KLHL17: variants seen among roughly 807,000 people sequenced by gnomAD.
The protein encoded by KLHL17 is kelch-like protein 17.
Under a neutral mutation model 64.6 loss-of-function variants are expected in KLHL17, and 71 were observed. The observed-to-expected ratio is 1.10, with a 90% CI of 0.91 to 1.34. The LOEUF (loss-of-function observed/expected upper bound fraction) is 1.34. KLHL17 is among the 40% of genes most tolerant of loss of function. KLHL17 has a pLI of 0.00. For synonymous variants in KLHL17, 612 were observed against 405.4 expected, an observed-to-expected ratio of 1.51 and a Z score of -6.12; for missense variants, 1,140 against 935.0, an observed-to-expected ratio of 1.22 and a Z score of -2.86.
At chr1:962,232 T>C in intron 4 of KLHL17, 123 bp from the exon 5 acceptor site, 1 of 1,504,202 alleles carries the variant, frequency 6.6e-7, no homozygotes, top group South Asian at 1.2e-5. Context: ...CTGACTCTGC[T>C]CGGCCCCTCC....
Position 962,017 on chromosome 1 carries a change from C to T in KLHL17, c.681C>T (p.Thr227=), listed in dbSNP as rs745830549. The T allele has an allele frequency of 1.3e-5, 21 of 1,612,746 alleles. No homozygotes were observed. The highest frequency in any genetic ancestry group is 6.7e-5 in the African/African-American group (5 of 74,942). ...AGCACTTCGTGGACGTGGCCAAGAC[C>T]GAGGAGTTTATGCTGCTGCCCCTGA... ...VLQHFVDVAK[T]EEFMLLPLKQ... Residue 227 remains threonine, a synonymous_variant, in exon 4 of 12, where the codon ACC becomes ACT. Transcript: ENST00000338591.
chr1:965,430 G>A lies in KLHL17; in HGVS notation c.*239G>A. On this transcript the variant is annotated 3_prime_UTR_variant, in exon 12 of 12. Coordinates refer to ENST00000338591, the MANE Select transcript of KLHL17 (RefSeq NM_198317.3). ...TGTCCTCCCCTCCACTGCCTGCATGGGGGGCGCGGGGAGTGACCAGGCGGG... is the reference window on the plus strand; with the variant it reads ...TGTCCTCCCCTCCACTGCCTGCATGAGGGGCGCGGGGAGTGACCAGGCGGG... The A allele has an allele frequency of 5.3e-6, 3 of 570,766 alleles. No homozygotes were observed. The highest frequency in any genetic ancestry group is 6.5e-5 in the Admixed American group (2 of 30,718). The allele number at this position is 570,766 out of a possible 1,614,324, so 35.4% of individuals were successfully genotyped here.
At chr1:962,519 A>G (rs377171358) in intron 5 of KLHL17, 48 bp downstream of exon 5, 1 of 1,600,576 alleles carries the variant, frequency 6.2e-7, no homozygotes, top group Non-Finnish European at 8.5e-7. Flanking sequence ...GAGGGCATGC[A>G]GGTGGCTGAG....
chr1:962,838 T>G lies in KLHL17; in HGVS notation c.963T>G (p.Pro321=). 1 of 1,602,918 alleles carries G rather than the reference T, an allele frequency of 6.2e-7. No individual in the cohort carries two copies. The highest frequency in any genetic ancestry group is 8.5e-7 in the Non-Finnish European group (1 of 1,177,176). Residue 321 remains proline, a synonymous_variant, in exon 6 of 12, where the codon CCT becomes CCG. Transcript: ENST00000338591. ...AGGCCCTGAAGTTCCACCTGCTGCC[T>G]GAGCAGAGGGGCGTCCTAGGCACCA... ...LIEALKFHLL[P]EQRGVLGTSR... is the part of the protein sequence containing the mutation.
In KLHL17 at chr1:963,181, T is replaced by C; in HGVS notation, c.1115T>C (p.Val372Ala). ...ACGCGCACCGACCGCTGGCACGTGG[T>C]GGCCTCCATGTCCACGCGCCGGGCC... ...YDTRTDRWHV[V>A]ASMSTRRARV... Residue 372 changes from valine to alanine, a missense_variant, in exon 7 of 12, where the codon GTG (valine) becomes GCG (alanine). Physicochemically the swap from Val to Ala is moderately conservative, Grantham distance 64. Transcript: ENST00000338591. The C allele has an allele frequency of 6.2e-7, 1 of 1,609,704 alleles. No homozygotes were observed. The highest frequency in any genetic ancestry group is 8.5e-7 in the Non-Finnish European group (1 of 1,177,810).
In KLHL17 at chr1:960,723, C is replaced by G; in HGVS notation, c.30C>G (p.Gly10=). MQPRSERPA[G]RTQSPEHGSP... ...AGCCCCGCAGCGAGCGCCCGGCCGG[C>G]AGGACGCAGAGCCCGGAGCACGGCA... The change falls in exon 1 of 12, where the codon GGC becomes GGG. Residue 10 remains glycine (G), a synonymous_variant. Coordinates refer to ENST00000338591, the MANE Select transcript of KLHL17 (RefSeq NM_198317.3). The G allele has an allele frequency of 7.4e-7, 1 of 1,343,134 alleles. No homozygotes were observed. The highest frequency in any genetic ancestry group is 1.5e-5 in the South Asian group (1 of 64,720). The allele number at this position is 1,343,134 out of a possible 1,614,324, so 83.2% of individuals were successfully genotyped here. A position where few individuals can be genotyped will look rare whatever the true frequency, so the allele number is the denominator to read the frequency against.
rs550203526 is a variant in KLHL17, at chr1:962,290, C to T, written c.712-65C>T. On this transcript the variant is annotated intron_variant, in intron 4 of 11. Coordinates refer to ENST00000338591, the MANE Select transcript of KLHL17 (RefSeq NM_198317.3). ...CCTGCTAACCCTCCCTCCTAGGCAT[C>T]TTCAGGGCTCCCTGGGTCCACAGGA... 6.2e-4 allele frequency: 990 copies of T among 1,608,352 alleles called. 1 individual carries two copies. Among genetic ancestry groups the T allele is most frequent in the Non-Finnish European group, 7.8e-4 (919 of 1,177,770 alleles).
Position 961,509 on chromosome 1 carries a change from G to A in KLHL17, c.324G>A (p.Val108=), listed in dbSNP as rs1404701081. 1.9e-6 allele frequency: 3 copies of A among 1,612,426 alleles called. No individual in the cohort carries two copies. The highest frequency in any genetic ancestry group is 2.5e-6 in the Non-Finnish European group (3 of 1,179,952). ...CCAAGGAGATCCGTGCGCACAAAGTGGTGCTGGCCTCCTGCAGCCCCTACT... is the reference window on the plus strand; with the variant it reads ...CCAAGGAGATCCGTGCGCACAAAGTAGTGCTGGCCTCCTGCAGCCCCTACT... ...VAAKEIRAHK[V]VLASCSPYFH... Residue 108 remains valine (V), a synonymous_variant, in exon 2 of 12, where the codon GTG becomes GTA. Coordinates refer to ENST00000338591, the MANE Select transcript of KLHL17 (RefSeq NM_198317.3).
At chr1:964,620 G>A (rs1642833567) in intron 11 of KLHL17, 90 bp downstream of exon 11, 1 of 670,780 alleles carries the variant, frequency 1.5e-6, no homozygotes, top group Non-Finnish European at 2.0e-6. Flanking sequence ...TGTGCTGCGG[G>A]GAGGGGGGCG....
chr1:963,534 G>C lies in KLHL17; in HGVS notation c.1355+30G>C, dbSNP rs114880602. 301 of 1,578,398 alleles carry C rather than the reference G, an allele frequency of 1.9e-4. 1 individual carries two copies. The African/African-American group carries it at 3.8e-3, about 20-fold the overall frequency. ...TTGGGGTTGGGGCCCCAGTGGCTTT[G>C]TACAGTCCATCTGCAAGAGGCAAGT... On this transcript the variant is annotated intron_variant, in intron 8 of 11. Coordinates refer to ENST00000338591, the MANE Select transcript of KLHL17 (RefSeq NM_198317.3).
chr1:962,288 A>G (rs760955498), intron 4 of KLHL17, 67 bp from the exon 5 acceptor site: 4 of 1,607,450 alleles, frequency 2.5e-6, no homozygotes, highest in South Asian at 2.2e-5. Context: ...CCTCCTAGGC[A>G]TCTTCAGGGC....
At position 964,619 on chromosome 1, in the gene KLHL17, G is replaced by GGAA. The variant is rs1327816202; in HGVS notation, c.1700+90_1700+91insAAG. ...GCGTCCGCAGTGGGGATGTGCTGCG[G>GGAA]GGAGGGGGGCGCGGGTCCGCAGTGG... On this transcript the variant is annotated intron_variant, in intron 11 of 11. Coordinates refer to ENST00000338591, the MANE Select transcript of KLHL17 (RefSeq NM_198317.3). 1.4e-5 allele frequency: 14 copies of GGAA among 992,860 alleles called. 2 individuals are homozygous for GGAA. The African/African-American group carries it at 4.2e-4, about 30-fold the overall frequency. 61.5% of individuals were successfully genotyped at this position (992,860 alleles called of 1,614,324 possible). A position where few individuals can be genotyped will look rare whatever the true frequency, so the allele number is the denominator to read the frequency against.
chr1:961,789 C>T (rs769031275), intron 3 of KLHL17, 37 bp from the exon 4 acceptor site: 3 of 1,611,402 alleles, frequency 1.9e-6, no homozygotes, highest in Non-Finnish European at 2.5e-6. Flanking sequence ...GTCCCCCGAC[C>T]CTGTGCCTCC....
At position 963,317 on chromosome 1, in the gene KLHL17, C is replaced by T. The variant is rs369562577; in HGVS notation, c.1188-20C>T. The T allele has an allele frequency of 1.1e-5, 18 of 1,602,544 alleles. No individual in the cohort carries two copies. The East Asian group carries it at 2.5e-4, about 22-fold the overall frequency. On this transcript the variant is annotated intron_variant, in intron 7 of 11. Coordinates refer to ENST00000338591, the MANE Select transcript of KLHL17 (RefSeq NM_198317.3). ...TGCCCGCCAGGCCAGTCTTGACCTG[C>T]AGTGGCTTAATTCCGCTAGCTATGA... is the stretch of plus-strand genomic sequence containing the variant.
chr1:962,876 C>G lies in KLHL17; in HGVS notation c.1001C>G (p.Pro334Arg). 1 of 1,578,954 alleles carries G rather than the reference C, an allele frequency of 6.3e-7. No homozygotes were observed. The highest frequency in any genetic ancestry group is 1.3e-5 in the African/African-American group (1 of 74,250). ...GTCCTAGGCACCAGCCGCACACGTC[C>G]CCGGCGCTGCGAGGGGGCCGGGCCT... ...RGVLGTSRTR[P>R]RRCEGAGPVL... The change falls in exon 6 of 12, where the codon CCC becomes CGC. Residue 334 changes from proline to arginine, a missense_variant. Transcript: ENST00000338591.
rs1450432568 is a variant in KLHL17, at chr1:963,149, C to T, written c.1083C>T (p.Ala361=). 10 of 1,611,980 alleles carry T rather than the reference C, an allele frequency of 6.2e-6. No individual in the cohort carries two copies. Among genetic ancestry groups the T allele is most frequent in the Admixed American group, 3.3e-5 (2 of 59,982 alleles). ...TTGCCATCCACGGAGACTGTGAGGC[C>T]TACGACACGCGCACCGACCGCTGGC... ...SLFAIHGDCE[A]YDTRTDRWHV... The change falls in exon 7 of 12, where the codon GCC becomes GCT. Residue 361 remains alanine (A), a synonymous_variant. Coordinates refer to ENST00000338591, the MANE Select transcript of KLHL17 (RefSeq NM_198317.3).
In KLHL17 at chr1:963,962, C is replaced by T. The variant is rs769279486; in HGVS notation, c.1398C>T (p.Val466=). 14 of 1,612,556 alleles carry T rather than the reference C, an allele frequency of 8.7e-6. No individual in the cohort carries two copies. Among genetic ancestry groups the T allele is most frequent in the Middle Eastern group, 1.7e-4 (1 of 5,998 alleles). ...YDPLTGTWTS[V]AAMSTRRRYV... is the part of the protein sequence containing the mutation. Reference sequence around the variant, plus strand: ...CCCTGACCGGAACGTGGACGTCCGTCGCTGCCATGAGCACCCGGAGGCGCT... The same window carrying T: ...CCCTGACCGGAACGTGGACGTCCGTTGCTGCCATGAGCACCCGGAGGCGCT... Residue 466 remains valine (V), a synonymous_variant, in exon 9 of 12, where the codon GTC becomes GTT. Transcript: ENST00000338591.
In KLHL17 at chr1:961,947, A is replaced by C; in HGVS notation, c.611A>C (p.His204Pro). The change falls in exon 4 of 12, where the codon CAC becomes CCC. Residue 204 changes from histidine to proline, a missense_variant. Physicochemically the swap from His to Pro is moderately conservative, Grantham distance 77. Transcript: ENST00000338591. ...GGTATCCGGGGCTTTGCCGATGCGC[A>C]CTCCTGCAGCGACCTGCTCAAGGCC... ...CLGIRGFADA[H>P]SCSDLLKAAH... is the part of the protein sequence containing the mutation. The C allele has an allele frequency of 3.1e-6, 5 of 1,612,256 alleles. No individual in the cohort carries two copies. The highest frequency in any genetic ancestry group is 4.2e-6 in the Non-Finnish European group (5 of 1,179,844).
In KLHL17 at chr1:961,419, C is replaced by T. The variant is rs762448686; in HGVS notation, c.234C>T (p.Ala78=). Residue 78 remains alanine, a synonymous_variant, in exon 2 of 12, where the codon GCC becomes GCT. Transcript: ENST00000338591. ...ACTCCAAGCGGCACTACCACGATGCCTTCGTGGCCATGAGCCGCATGCGCC... is the reference window on the plus strand; with the variant it reads ...ACTCCAAGCGGCACTACCACGATGCTTTCGTGGCCATGAGCCGCATGCGCC... ...AHNSKRHYHD[A]FVAMSRMRQR... is the part of the protein sequence containing the mutation. The T allele has an allele frequency of 1.6e-5, 26 of 1,611,720 alleles. No homozygotes were observed. The highest frequency in any genetic ancestry group is 1.9e-5 in the Non-Finnish European group (23 of 1,179,642).
Sources: allele counts gnomAD v4.1 joint callset, GRCh38; gene constraint gnomAD v4.1.1; transcripts MANE v1.5; gene names NCBI Gene and HGNC (gene_info 2026-07-23, HGNC 2026-07-21).